The following KIAA1958 variants were observed in gnomAD, a reference collection of about 807,000 sequenced individuals.
KIAA1958 encodes KIAA1958.
In KIAA1958, 14 loss-of-function variants were observed where a neutral mutation model predicts 47.2. That is an observed-to-expected ratio of 0.30 (90% CI 0.20 to 0.46). The LOEUF (loss-of-function observed/expected upper bound fraction) is 0.46, where lower values mean the gene tolerates loss of function less well. KIAA1958 is among the 20% of genes least tolerant of loss of function. The pLI is 1.00. For missense variants in KIAA1958, 803 were observed against 909.2 expected, an observed-to-expected ratio of 0.88 and a Z score of 1.50; for synonymous variants, 354 against 353.3, an observed-to-expected ratio of 1.00 and a Z score of -0.02.
chr9:112,582,796 T>C (rs1160548818), intron 2 of KIAA1958, among the ~76,000 whole-genome samples: 1 of 151,780 alleles, frequency 6.6e-6, no homozygotes, highest in African/African-American at 2.4e-5. Context: ...ACCCACTAGT[T>C]CTGTGGAATG....
chr9:112,531,065 A>G (rs1834743550), intron 1 of KIAA1958, among the ~76,000 whole-genome samples: 1 of 152,254 alleles, frequency 6.6e-6, no homozygotes, highest in Non-Finnish European at 1.5e-5. Context: ...CAAGATGGAA[A>G]TAGTAATTTT....
In KIAA1958 at chr9:112,537,130, G is replaced by A. The variant is rs565491414; in HGVS notation, c.-24-36927G>A. 1.2e-4 allele frequency among the ~76,000 whole-genome samples: 17 copies of A among 145,108 alleles called. No individual in the cohort carries two copies. The East Asian group carries it at 3.3e-3, about 28-fold the overall frequency. ...TTCTTTTCTTTCTTTTTTTTTGACA[G>A]AGTCTCCCTTTGTCGCCCAGGCTGG... On this transcript the variant is annotated intron_variant, in intron 1 of 3. Coordinates refer to ENST00000337530, the MANE Select transcript of KIAA1958 (RefSeq NM_133465.4).
intron 2 of KIAA1958, among the ~76,000 whole-genome samples, chr9:112,639,260 T>C (rs1236791381): frequency 2.0e-5 from 3 of 152,180 alleles, no homozygotes; most frequent in African/African-American, 7.2e-5. Flanking sequence ...CCTCAGTCTT[T>C]CTTCAACTTT....
At chr9:112,590,286 C>T (rs949185012) in intron 2 of KIAA1958, among the ~76,000 whole-genome samples, 6 of 151,920 alleles carry the variant, frequency 3.9e-5, no homozygotes, top group African/African-American at 1.5e-4. Context: ...CAAGTCTCCT[C>T]CAAAGCTTTG....
intron 1 of KIAA1958, among the ~76,000 whole-genome samples, chr9:112,491,536 T>G (rs1833968847): frequency 6.6e-6 from 1 of 151,986 alleles, no homozygotes; most frequent in Admixed American, 6.6e-5. Context: ...TGGCTAGTAA[T>G]TATTAGCTGG....
chr9:112,548,676 C>A (rs142185903), intron 1 of KIAA1958, among the ~76,000 whole-genome samples: 5 of 152,114 alleles, frequency 3.3e-5, no homozygotes, highest in Non-Finnish European at 7.3e-5. Flanking sequence ...GGTGCCTTGG[C>A]ATAGTATTTG....
intron 1 of KIAA1958, among the ~76,000 whole-genome samples, chr9:112,538,637 A>G (rs550937337): frequency 3.3e-5 from 5 of 152,244 alleles, no homozygotes; most frequent in Non-Finnish European, 5.9e-5. Flanking sequence ...ATCAAGTATC[A>G]TATCAGGCAA....
intron 2 of KIAA1958, among the ~76,000 whole-genome samples, chr9:112,578,373 C>G (rs1027233438): frequency 2.6e-5 from 4 of 152,102 alleles, no homozygotes; most frequent in Admixed American, 6.5e-5. Context: ...GTAAAGCGTA[C>G]TTGGGACTAA....
intron 2 of KIAA1958, among the ~76,000 whole-genome samples, chr9:112,597,438 G>C (rs948023602): frequency 1.3e-5 from 2 of 152,198 alleles, no homozygotes; most frequent in Non-Finnish European, 2.9e-5. Context: ...TTTTGATCCA[G>C]GTGGTTTGAT....
chr9:112,508,254 A>G (rs1289960377), intron 1 of KIAA1958, among the ~76,000 whole-genome samples: 1 of 152,196 alleles, frequency 6.6e-6, no homozygotes, highest in East Asian at 1.9e-4. Flanking sequence ...TCAGAAATCC[A>G]TTTAACTTGC....
intron 2 of KIAA1958, among the ~76,000 whole-genome samples, chr9:112,598,104 A>G (rs994866819): frequency 6.6e-6 from 1 of 152,178 alleles, no homozygotes; most frequent in African/African-American, 2.4e-5. Context: ...AGGAGAGGAT[A>G]ATGGAAGATT....
At chr9:112,581,268 G>T (rs938737329) in intron 2 of KIAA1958, among the ~76,000 whole-genome samples, 1 of 152,170 alleles carries the variant, frequency 6.6e-6, no homozygotes, top group African/African-American at 2.4e-5. Context: ...GCACTAAAGA[G>T]AGTACCTGAC....
chr9:112,548,695 T>C lies in KIAA1958; in HGVS notation c.-24-25362T>C, dbSNP rs541038172. On this transcript the variant is annotated intron_variant, in intron 1 of 3. Transcript: ENST00000337530. ...CCTTGGCATAGTATTTGCTACATAG[T>C]AGTCTTAATGTTTTTGGAATAAATG... Among the ~76,000 whole-genome samples the C allele has an allele frequency of 8.2e-4, 125 of 152,324 alleles. 3 individuals are homozygous for C. In the South Asian group the frequency reaches 0.026, roughly 31 times the overall value.
At chr9:112,573,974 C>A in intron 1 of KIAA1958, 83 bp from the exon 2 acceptor site, 1 of 700,248 alleles carries the variant, frequency 1.4e-6, no homozygotes, top group Non-Finnish European at 2.3e-6. Flanking sequence ...GCCAAATGAT[C>A]ATATTTGGAA....
intron 1 of KIAA1958, among the ~76,000 whole-genome samples, chr9:112,563,237 A>C (rs1835369174): frequency 6.6e-6 from 1 of 152,008 alleles, no homozygotes; most frequent in Admixed American, 6.6e-5. Context: ...TCTTATCTCT[A>C]TAATAAAGTC....
chr9:112,590,038 C>T (rs1013270469), intron 2 of KIAA1958, among the ~76,000 whole-genome samples: 3 of 152,198 alleles, frequency 2.0e-5, no homozygotes. Context: ...CTGGCTTCCA[C>T]CTTGGATGCA....
chr9:112,554,837 G>T (rs1457975773), intron 1 of KIAA1958, among the ~76,000 whole-genome samples: 3 of 152,136 alleles, frequency 2.0e-5, no homozygotes, highest in Non-Finnish European at 1.5e-5. Context: ...TCACTGTACA[G>T]CCTGATTTGG....
At chr9:112,625,880 G>C (rs1270727752) in intron 2 of KIAA1958, among the ~76,000 whole-genome samples, 1 of 152,120 alleles carries the variant, frequency 6.6e-6, no homozygotes, top group Non-Finnish European at 1.5e-5. Flanking sequence ...TTTCAGTTAT[G>C]GAGGGGAAAC....
At chr9:112,504,238 G>C (rs905913746) in intron 1 of KIAA1958, among the ~76,000 whole-genome samples, 8 of 150,792 alleles carry the variant, frequency 5.3e-5, no homozygotes, top group Non-Finnish European at 1.2e-4. Context: ...CCAGGCTGGA[G>C]TGCAGTGGTG....
Sources: allele counts gnomAD v4.1 joint callset (sites outside exome capture counted in the v4.1 genomes callset), GRCh38; gene constraint gnomAD v4.1.1; transcripts MANE v1.5; gene names NCBI Gene and HGNC (gene_info 2026-07-23, HGNC 2026-07-21).